Variants in SUPT3H observed in about 807,000 individuals in gnomAD.
SUPT3H encodes SPT3 homolog, SAGA and STAGA complex component.
Under a neutral mutation model 44.3 loss-of-function variants are expected in SUPT3H, and 44 were observed. That is an observed-to-expected ratio of 0.99 (90% confidence interval 0.78 to 1.28). The LOEUF is 1.28. SUPT3H is among the 50% of genes most tolerant of loss of function. The probability of loss-of-function intolerance (pLI) is 0.00; values close to 1 mark genes in which losing one functional copy is unlikely to be tolerated. For missense variants in SUPT3H, 380 were observed against 387.1 expected (o/e 0.98, Z 0.15); for synonymous variants, 124 against 125.6 (o/e 0.99, Z 0.09).
chr6:45,373,591 G>A (rs568700266), intron 1 of SUPT3H, among the ~76,000 whole-genome samples: 3 of 152,010 alleles, frequency 2.0e-5, no homozygotes, highest in Non-Finnish European at 4.4e-5. Context: ...TTGCTCTGTC[G>A]CCCAGGCTGG....
chr6:45,362,108 G>A (rs1029656498), intron 2 of SUPT3H, among the ~76,000 whole-genome samples: 3 of 152,152 alleles, frequency 2.0e-5, no homozygotes, highest in Non-Finnish European at 2.9e-5. Flanking sequence ...CCTCACTGGT[G>A]ATATTCACCA....
At chr6:45,075,441 T>C (rs567760666) in intron 3 of SUPT3H, among the ~76,000 whole-genome samples, 1 of 152,226 alleles carries the variant, frequency 6.6e-6, no homozygotes, top group East Asian at 1.9e-4. Flanking sequence ...CACAACAGTA[T>C]TAATCATCTA....
intron 5 of SUPT3H, among the ~76,000 whole-genome samples, chr6:45,011,914 T>A (rs1012993669): frequency 7.9e-5 from 12 of 152,070 alleles, no homozygotes; most frequent in African/African-American, 2.9e-4. Context: ...GTATTTTGCA[T>A]TCATTTTTGA....
intron 10 of SUPT3H, among the ~76,000 whole-genome samples, chr6:44,926,862 G>A (rs185631887): frequency 7.6e-4 from 116 of 152,206 alleles, no homozygotes; most frequent in African/African-American, 2.6e-3. Context: ...AAATAAAACT[G>A]ATAATATTCA....
chr6:45,293,393 CACAG>C (rs1400683099), intron 2 of SUPT3H, among the ~76,000 whole-genome samples: 8 of 152,104 alleles, frequency 5.3e-5, no homozygotes, highest in African/African-American at 1.7e-4. Context: ...TCTGAAAGAG[CACAG>C]ACAGACAATC....
At chr6:45,342,632 G>C (rs1790031555) in intron 2 of SUPT3H, among the ~76,000 whole-genome samples, 1 of 151,816 alleles carries the variant, frequency 6.6e-6, no homozygotes, top group African/African-American at 2.4e-5. Context: ...CATAATATAA[G>C]GTTTACACAG....
intron 2 of SUPT3H, among the ~76,000 whole-genome samples, chr6:45,121,459 G>A (rs2153579404): frequency 6.6e-6 from 1 of 151,732 alleles, no homozygotes; most frequent in East Asian, 1.9e-4. Context: ...GGTTTTCTCA[G>A]TTGCAGGAGT....
rs544316946 is a variant in SUPT3H at position 44,827,207 on chromosome 6, T to C, written c.*2609A>G. ...ATTTGACTTAGAGTTAAGCCTGATG[T>C]GTAAGATAACAGACTGTTTACTTAA... On this transcript the variant is annotated 3_prime_UTR_variant, in exon 11 of 11. Transcript: ENST00000371459. Among the ~76,000 whole-genome samples the C allele has an allele frequency of 1.2e-4, 19 of 152,296 alleles. No individual in the cohort carries two copies. Among genetic ancestry groups the C allele is most frequent in the East Asian group, 9.6e-4 (5 of 5,188 alleles).
chr6:45,148,018 G>A (rs189861994), intron 2 of SUPT3H, among the ~76,000 whole-genome samples: 19 of 152,046 alleles, frequency 1.2e-4, no homozygotes, highest in Admixed American at 1.2e-3. Flanking sequence ...CGTACCCACA[G>A]GTAAAGCAAA....
chr6:44,954,639 T>G, intron 7 of SUPT3H, 32 bp from the exon 8 acceptor site: 1 of 1,387,202 alleles, frequency 7.2e-7, no homozygotes, highest in East Asian at 2.3e-5. Context: ...GTGCAGAAAT[T>G]TTAATTTTTA....
At chr6:44,974,397 T>C (rs559657362) in intron 6 of SUPT3H, among the ~76,000 whole-genome samples, 3 of 152,070 alleles carry the variant, frequency 2.0e-5, no homozygotes, top group Admixed American at 6.5e-5. Context: ...CAGAGATGCT[T>C]TGATAGAGGT....
chr6:45,376,785 T>C (rs898570880), intron 1 of SUPT3H, among the ~76,000 whole-genome samples: 1 of 151,912 alleles, frequency 6.6e-6, no homozygotes, highest in African/African-American at 2.4e-5. Context: ...CAGGGCGAAT[T>C]TAATTCCTCT....
intron 3 of SUPT3H, among the ~76,000 whole-genome samples, chr6:45,038,092 T>TAAC: frequency 6.6e-6 from 1 of 152,296 alleles, no homozygotes; most frequent in South Asian, 2.1e-4. Context: ...ACAGTCTTGT[T>TAAC]AGAGTCTTGA....
At chr6:45,196,416 G>A (rs529700502) in intron 2 of SUPT3H, among the ~76,000 whole-genome samples, 2 of 152,018 alleles carry the variant, frequency 1.3e-5, no homozygotes, top group South Asian at 4.2e-4. Context: ...GAAAATTTAC[G>A]ACAGCCCTGC....
At chr6:45,065,250 C>A (rs1400475287) in intron 3 of SUPT3H, among the ~76,000 whole-genome samples, 1 of 147,826 alleles carries the variant, frequency 6.8e-6, no homozygotes, top group Non-Finnish European at 1.5e-5. Flanking sequence ...TAAAGATGTT[C>A]TTTGAAACCA....
intron 6 of SUPT3H, among the ~76,000 whole-genome samples, chr6:44,974,418 G>C (rs990035746): frequency 6.6e-6 from 1 of 152,036 alleles, no homozygotes; most frequent in Admixed American, 6.6e-5. Flanking sequence ...GAGGGAAGAA[G>C]ACTCACAGTC....
intron 2 of SUPT3H, among the ~76,000 whole-genome samples, chr6:45,120,394 G>GGGTA (rs1405008605): frequency 1.6e-5 from 2 of 121,398 alleles, no homozygotes. Flanking sequence ...AATCCAGTCT[G>GGGTA]GGTAACAGTG....
intron 3 of SUPT3H, among the ~76,000 whole-genome samples, chr6:45,031,202 T>C (rs1786873610): frequency 6.6e-6 from 1 of 152,204 alleles, no homozygotes; most frequent in Non-Finnish European, 1.5e-5. Flanking sequence ...AAAAAGTTTA[T>C]AACTTTTAGT....
chr6:45,199,300 T>G (rs527839458), intron 2 of SUPT3H, among the ~76,000 whole-genome samples: 1 of 151,404 alleles, frequency 6.6e-6, no homozygotes, highest in African/African-American at 2.4e-5. Flanking sequence ...ACTATTTTAT[T>G]ATACCCTTCA....
Sources: gnomAD v4.1 joint callset for allele counts (sites outside exome capture counted in the v4.1 genomes callset) on GRCh38, gnomAD v4.1.1 for gene constraint, MANE v1.5 for transcripts, NCBI Gene and HGNC (gene_info 2026-07-23, HGNC 2026-07-21) for gene names.